SYT9: variants seen among roughly 807,000 people sequenced by gnomAD.
SYT9 encodes the protein synaptotagmin-9.
A neutral mutation model predicts 48.4 loss-of-function variants in SYT9; 22 were observed. The observed-to-expected ratio is 0.45, with a 90% CI of 0.32 to 0.65. The LOEUF is 0.65. SYT9 is among the 30% of genes least tolerant of loss of function. The pLI, the probability that SYT9 is intolerant of heterozygous loss-of-function variation, is 0.03. For missense variants in SYT9, 577 were observed against 622.0 expected, an observed-to-expected ratio of 0.93 and a Z score of 0.77; for synonymous variants, 265 against 245.0, an observed-to-expected ratio of 1.08 and a Z score of -0.76.
chr11:7,379,533 C>A (rs1023499536), intron 3 of SYT9, among the ~76,000 whole-genome samples: 3 of 152,162 alleles, frequency 2.0e-5, no homozygotes, highest in Admixed American at 2.0e-4. Context: ...TCTAAATCTT[C>A]TTGTGTCTTC....
chr11:7,336,129 C>T (rs1302127001), intron 3 of SYT9, among the ~76,000 whole-genome samples: 5 of 152,004 alleles, frequency 3.3e-5, no homozygotes, highest in Non-Finnish European at 5.9e-5. Context: ...TTGTTGGTCA[C>T]GTATCTGTCT....
chr11:7,339,478 A>G (rs1849680038), intron 3 of SYT9, among the ~76,000 whole-genome samples: 2 of 152,120 alleles, frequency 1.3e-5, no homozygotes, highest in Admixed American at 6.6e-5. Context: ...ATGTTTTTGC[A>G]CTGACTGCTA....
chr11:7,281,622 G>T (rs7107644), intron 1 of SYT9, among the ~76,000 whole-genome samples: 7,516 of 152,204 alleles, frequency 0.049, 370 homozygotes, highest in African/African-American at 0.13. Flanking sequence ...GCCAGATATA[G>T]AATTTATTTG....
intron 2 of SYT9, among the ~76,000 whole-genome samples, chr11:7,306,263 A>G (rs1849028905): frequency 1.3e-5 from 2 of 152,208 alleles, no homozygotes; most frequent in Admixed American, 6.5e-5. Context: ...TTGAAAGGCC[A>G]TCTAATCCAT....
chr11:7,246,816 C>T (rs1439161417), intron 1 of SYT9, among the ~76,000 whole-genome samples: 1 of 152,190 alleles, frequency 6.6e-6, no homozygotes, highest in East Asian at 1.9e-4. Context: ...GGTCCAAGTT[C>T]GAGAGGTCCA....
intron 1 of SYT9, among the ~76,000 whole-genome samples, chr11:7,268,647 A>G (rs1217125965): frequency 4.6e-5 from 7 of 151,994 alleles, no homozygotes; most frequent in Non-Finnish European, 8.8e-5. Flanking sequence ...AATTATTTTA[A>G]CTTTTGACGA....
chr11:7,286,944 C>T (rs1369695247), intron 1 of SYT9, among the ~76,000 whole-genome samples: 1 of 152,172 alleles, frequency 6.6e-6, no homozygotes, highest in African/African-American at 2.4e-5. Flanking sequence ...TCTTCTGAGC[C>T]CTCCAAACTC....
chr11:7,404,150 T>G (rs1846958036), intron 3 of SYT9, among the ~76,000 whole-genome samples: 1 of 152,168 alleles, frequency 6.6e-6, no homozygotes, highest in African/African-American at 2.4e-5. Flanking sequence ...TTATTTTTAT[T>G]AGTTAATTCT....
chr11:7,448,267 T>TGGG (rs1847973111), intron 6 of SYT9, among the ~76,000 whole-genome samples: 2 of 152,252 alleles, frequency 1.3e-5, no homozygotes, highest in African/African-American at 4.8e-5. Context: ...CATCTGGTTC[T>TGGG]ATCTGGGATT....
At chr11:7,382,640 G>A (rs1432239505) in intron 3 of SYT9, among the ~76,000 whole-genome samples, 1 of 152,184 alleles carries the variant, frequency 6.6e-6, no homozygotes. Flanking sequence ...GTTAAACCAG[G>A]GAACTGGAGA....
intron 1 of SYT9, among the ~76,000 whole-genome samples, chr11:7,295,615 T>C (rs544247952): frequency 4.6e-5 from 7 of 152,324 alleles, no homozygotes; most frequent in Admixed American, 1.3e-4. Context: ...TTTTCAAGCA[T>C]GCACCTCAAA....
chr11:7,369,391 T>C (rs1320946825), intron 3 of SYT9, among the ~76,000 whole-genome samples: 2 of 152,160 alleles, frequency 1.3e-5, no homozygotes, highest in African/African-American at 2.4e-5. Flanking sequence ...CTTTGTCAGA[T>C]AGGTAGATTG....
At chr11:7,303,597 CA>C (rs1848978157) in intron 2 of SYT9, among the ~76,000 whole-genome samples, 2 of 152,194 alleles carry the variant, frequency 1.3e-5, no homozygotes, top group Non-Finnish European at 2.9e-5. Context: ...ATCATTAAGA[CA>C]GCATGTGTGA....
intron 1 of SYT9, among the ~76,000 whole-genome samples, chr11:7,282,417 A>C (rs953558015): frequency 6.6e-6 from 1 of 151,906 alleles, no homozygotes; most frequent in Non-Finnish European, 1.5e-5. Flanking sequence ...GGCTCAGGGC[A>C]AAAAAAATGG....
intron 1 of SYT9, among the ~76,000 whole-genome samples, chr11:7,270,942 A>C (rs923687059): frequency 6.6e-6 from 1 of 151,962 alleles, no homozygotes; most frequent in African/African-American, 2.4e-5. Context: ...ATAAATGTAA[A>C]AGTGAGAAAG....
chr11:7,292,634 T>A (rs1848714874), intron 1 of SYT9, among the ~76,000 whole-genome samples: 1 of 152,196 alleles, frequency 6.6e-6, no homozygotes, highest in Non-Finnish European at 1.5e-5. Flanking sequence ...CCCTACATGT[T>A]TTTGAGTTTC....
At chr11:7,240,583 T>C (rs1438818084) in intron 1 of SYT9, among the ~76,000 whole-genome samples, 1 of 150,632 alleles carries the variant, frequency 6.6e-6, no homozygotes, top group Non-Finnish European at 1.5e-5. Flanking sequence ...ATGAAGTGAA[T>C]ACCGTCTCTT....
chr11:7,464,592 A>C (rs568361734), intron 6 of SYT9, among the ~76,000 whole-genome samples: 1 of 152,316 alleles, frequency 6.6e-6, no homozygotes, highest in South Asian at 2.1e-4. Flanking sequence ...ATAAGTACCC[A>C]AAAATGAAGG....
intron 3 of SYT9, among the ~76,000 whole-genome samples, chr11:7,371,692 C>A (rs1850365502): frequency 6.6e-6 from 1 of 152,074 alleles, no homozygotes; most frequent in Non-Finnish European, 1.5e-5. Context: ...CCAGTCAGTA[C>A]CCCCAAAACA....
Sources: allele counts gnomAD v4.1 joint callset (sites outside exome capture counted in the v4.1 genomes callset), GRCh38; gene constraint gnomAD v4.1.1; transcripts MANE v1.5; gene names NCBI Gene and HGNC (gene_info 2026-07-23, HGNC 2026-07-21).